The following RIF1 variants were observed in gnomAD, a reference collection of about 807,000 sequenced individuals.
RIF1 encodes the protein replication timing regulatory factor 1.
Under a neutral mutation model 247.1 loss-of-function variants are expected in RIF1, and 45 were observed. The observed-to-expected ratio is 0.18, with a 90% CI of 0.14 to 0.23. The LOEUF (loss-of-function observed/expected upper bound fraction) is 0.23. RIF1 is among the 10% of genes least tolerant of loss of function. The pLI is 1.00. For missense variants in RIF1, 2,967 were observed against 2,862.5 expected (o/e 1.04, Z -0.83); for synonymous variants, 1,087 against 978.8 (o/e 1.11, Z -2.06).
Position 151,465,830 on chromosome 2 carries a change from G to T in RIF1, c.6310G>T (p.Val2104Leu). ...SEEKLDNNQM[V>L]MESDILQEDH... The stretch of plus-strand genomic sequence containing the variant: ...AGAAAAATTAGATAACAATCAAATG[G>T]TAATGGAAAGTGATATTTTACAGGA... The change falls in exon 30 of 36, where the codon GTA becomes TTA. Residue 2104 changes from valine to leucine, a missense_variant. Around this residue, in one of 7 missense-constraint regions of RIF1, gnomAD observed 2,028 missense variants for 1,825.6 expected, o/e 1.11. Coordinates refer to ENST00000444746, the MANE Select transcript of RIF1 (RefSeq NM_018151.5). 6.2e-7 allele frequency: 1 copy of T among 1,613,118 alleles called. No individual in the cohort carries two copies. Among genetic ancestry groups the T allele is most frequent in the Non-Finnish European group, 8.5e-7 (1 of 1,179,070 alleles).
intron 12 of RIF1, among the ~76,000 whole-genome samples, chr2:151,504,604 G>T (rs532408242): frequency 6.6e-6 from 1 of 152,302 alleles, no homozygotes; most frequent in South Asian, 2.1e-4. Context: ...AATCAAATGA[G>T]AGTTCAGTCC....
intron 9 of RIF1, chr2:151,494,036 T>C (rs2058512110): frequency 1.1e-6 from 1 of 950,410 alleles, no homozygotes; most frequent in African/African-American, 1.6e-5. Flanking sequence ...TAGTGTGATA[T>C]TTAGAGCAGA....
the RIF1 span, chr2:151,516,605 A>C: frequency 7.9e-7 from 1 of 1,269,524 alleles, no homozygotes. Context: ...CCTCTGGTCA[A>C]TTCCTAGACA....
At chr2:151,492,069 A>G in intron 9 of RIF1, 2 of 1,608,326 alleles carry the variant, frequency 1.2e-6, no homozygotes, top group Non-Finnish European at 8.5e-7. Context: ...CTTAAAGTTA[A>G]TCCCCTCCCC....
chr2:151,417,062 A>T (rs1687328727), intron 6 of RIF1, among the ~76,000 whole-genome samples, 161 bp downstream of exon 6: 1 of 152,188 alleles, frequency 6.6e-6, no homozygotes, highest in African/African-American at 2.4e-5. Flanking sequence ...AGATGGAAGT[A>T]GATATGTGTG....
chr2:151,443,654 A>G lies in RIF1; in HGVS notation c.1931A>G (p.His644Arg), dbSNP rs1238433736. 1 of 1,611,474 alleles carries G rather than the reference A, an allele frequency of 6.2e-7. No homozygotes were observed. Among genetic ancestry groups the G allele is most frequent in the Non-Finnish European group, 8.5e-7 (1 of 1,179,266 alleles). ...QNAKQLENKEHLWKMWSVIVT... is the reference protein window; with the variant it reads ...QNAKQLENKERLWKMWSVIVT... ...GCAAAGCAGTTGGAAAATAAGGAGC[A>G]TCTCTGGAAAATGTGGAGTGTTATA... Residue 644 changes from histidine (H) to arginine (R), a missense_variant, in exon 18 of 36, where the codon CAT (histidine) becomes CGT (arginine). This residue lies in a region of RIF1 where 76 missense variants were observed against 113.3 expected (regional missense o/e 0.67). Coordinates refer to ENST00000444746, the MANE Select transcript of RIF1 (RefSeq NM_018151.5).
At chr2:151,443,930 T>C (rs1692793838) in intron 18 of RIF1, among the ~76,000 whole-genome samples, 1 of 152,226 alleles carries the variant, frequency 6.6e-6, no homozygotes, top group Non-Finnish European at 1.5e-5. Flanking sequence ...TTTTCTTCAG[T>C]AGTGATTATA....
At chr2:151,452,862 A>G (rs573812180) in intron 21 of RIF1, among the ~76,000 whole-genome samples, 6 of 152,358 alleles carry the variant, frequency 3.9e-5, no homozygotes, top group South Asian at 4.1e-4. Flanking sequence ...CGAATATCCA[A>G]TTCAGGAACC....
At chr2:151,505,525 G>C in intron 12 of RIF1, 1 of 1,613,798 alleles carries the variant, frequency 6.2e-7, no homozygotes, top group Non-Finnish European at 8.5e-7. Context: ...ACTTCAGGCA[G>C]GTCAGGGATT....
At chr2:151,497,581 C>T (rs1378526167) in intron 10 of RIF1, 27 of 1,538,820 alleles carry the variant, frequency 1.8e-5, no homozygotes, top group Non-Finnish European at 2.2e-5. Flanking sequence ...TGAAAGTTTT[C>T]AAAATCATTA....
intron 9 of RIF1, among the ~76,000 whole-genome samples, chr2:151,431,508 T>TA (rs1352984805): frequency 6.6e-6 from 1 of 152,170 alleles, no homozygotes; most frequent in African/African-American, 2.4e-5. Flanking sequence ...ATAAATAGAA[T>TA]AGAGTCCAGA....
chr2:151,496,367 A>C, intron 10 of RIF1: 1 of 1,606,198 alleles, frequency 6.2e-7, no homozygotes, highest in East Asian at 2.2e-5. Flanking sequence ...TTTGTATAAC[A>C]CCTGTGCGAT....
At chr2:151,435,713 C>T in intron 11 of RIF1, 133 bp downstream of exon 11, 2 of 534,104 alleles carry the variant, frequency 3.7e-6, no homozygotes, top group Non-Finnish European at 3.3e-6. Flanking sequence ...TGAAGCACTT[C>T]ATAATTTTTA....
At chr2:151,508,818 T>A (rs1278902369), downstream of RIF1, among the ~76,000 whole-genome samples, 1 of 152,270 alleles carries the variant, frequency 6.6e-6, no homozygotes, top group Non-Finnish European at 1.5e-5. Flanking sequence ...AGCCTTTGGC[T>A]GGAGAGACGT....
chr2:151,416,698 GT>G lies in RIF1; in HGVS notation c.408+15del. On this transcript the variant is annotated intron_variant, in intron 5 of 35. Transcript: ENST00000444746. ...AGTGGTTGGCAAAATGGTGAGTATA[GT>G]TTTTGGGTATGCCATCTTAACTATA... is the stretch of plus-strand genomic sequence containing the variant. 2 of 1,611,814 alleles carry G rather than the reference GT, an allele frequency of 1.2e-6. No homozygotes were observed. Among genetic ancestry groups the G allele is most frequent in the South Asian group, 1.1e-5 (1 of 90,334 alleles).
chr2:151,526,077 A>G, the RIF1 span: 1 of 1,612,942 alleles, frequency 6.2e-7, no homozygotes, highest in Non-Finnish European at 8.5e-7. Flanking sequence ...TTCTGGGGGA[A>G]TCCATAGAGA....
intron 4 of RIF1, among the ~76,000 whole-genome samples, chr2:151,415,883 T>C (rs375261993): frequency 1.3e-5 from 2 of 151,866 alleles, no homozygotes; most frequent in Admixed American, 1.3e-4. Context: ...TCAAAAAAAA[T>C]CAAATGAAAA....
downstream of RIF1, among the ~76,000 whole-genome samples, chr2:151,487,058 C>T (rs188057733): frequency 3.5e-4 from 53 of 152,038 alleles, no homozygotes; most frequent in Admixed American, 2.2e-3. Context: ...TGTGTGTGTG[C>T]GCATGTGCGT....
downstream of RIF1, among the ~76,000 whole-genome samples, chr2:151,510,395 G>C (rs1259726830): frequency 6.6e-6 from 1 of 152,190 alleles, no homozygotes; most frequent in Non-Finnish European, 1.5e-5. Context: ...AGGGACACTG[G>C]CTTTTAATAT....
Sources: gnomAD v4.1 joint callset for allele counts (sites outside exome capture counted in the v4.1 genomes callset) on GRCh38, gnomAD v4.1.1 for gene constraint, gnomAD v4.1.1 regional missense constraint, MANE v1.5 for transcripts, NCBI Gene and HGNC (gene_info 2026-07-23, HGNC 2026-07-21) for gene names.